Variants in OCA2 observed in about 807,000 individuals in gnomAD.
The protein encoded by OCA2 is P protein.
In OCA2, 77 loss-of-function variants were observed where a neutral mutation model predicts 100.2. The ratio of observed to expected loss-of-function variants is 0.77; its 90% confidence interval spans 0.64 to 0.93. OCA2 has a LOEUF of 0.93. OCA2 is among the 40% of genes least tolerant of loss of function. OCA2 has a pLI of 0.00. For missense variants in OCA2, 1,062 were observed against 1,089.1 expected, an observed-to-expected ratio of 0.98 and a Z score of 0.35; for synonymous variants, 432 against 439.2, an observed-to-expected ratio of 0.98 and a Z score of 0.21.
At chr15:27,874,757 T>C (rs578165624) in intron 19 of OCA2, among the ~76,000 whole-genome samples, 2 of 152,140 alleles carry the variant, frequency 1.3e-5, no homozygotes, top group East Asian at 1.9e-4. Context: ...CTAAAAATAC[T>C]AAAAGAGTGA....
chr15:27,725,470 A>G, the OCA2 span, among the ~76,000 whole-genome samples: 2 of 152,230 alleles, frequency 1.3e-5, no homozygotes, highest in African/African-American at 4.8e-5. Context: ...CAGGAGGCTG[A>G]GGCAGGAGAA....
chr15:27,762,955 T>C lies in OCA2; in HGVS notation c.2433-7483A>G, dbSNP rs185203986. ...AGAAAAGGACCTCCAGTTCCATCCA[T>C]GTTGCCACAAATGACGTGATTTCAT... On this transcript the variant is annotated intron_variant, in intron 23 of 23. Transcript: ENST00000354638. Among the ~76,000 whole-genome samples, 163 of 152,356 alleles carry C rather than the reference T, an allele frequency of 1.1e-3. 1 individual carries two copies. Among genetic ancestry groups the C allele is most frequent in the Middle Eastern group, 3.4e-3 (1 of 294 alleles).
chr15:27,808,051 A>G (rs1300432876), intron 23 of OCA2, among the ~76,000 whole-genome samples: 2 of 152,244 alleles, frequency 1.3e-5, no homozygotes, highest in African/African-American at 4.8e-5. Flanking sequence ...GTGGTGATGA[A>G]TACTATTGAG....
intron 23 of OCA2, among the ~76,000 whole-genome samples, chr15:27,758,270 C>G (rs1436181944): frequency 6.6e-6 from 1 of 152,090 alleles, no homozygotes; most frequent in Non-Finnish European, 1.5e-5. Context: ...CTCTCCCTAG[C>G]CAGAAAGCCA....
chr15:27,912,092 G>T (rs1388816446), intron 19 of OCA2, among the ~76,000 whole-genome samples: 1 of 152,172 alleles, frequency 6.6e-6, no homozygotes, highest in Non-Finnish European at 1.5e-5. Flanking sequence ...CAAATCTTAT[G>T]GTGCTGGATT....
intron 2 of OCA2, among the ~76,000 whole-genome samples, chr15:28,047,751 T>C (rs1595877427): frequency 2.0e-5 from 3 of 152,176 alleles, no homozygotes; most frequent in South Asian, 2.1e-4. Flanking sequence ...ACCATTGTAC[T>C]TGAAGTTCAA....
chr15:27,722,232 G>A, the OCA2 span, among the ~76,000 whole-genome samples: 4 of 152,304 alleles, frequency 2.6e-5, no homozygotes, highest in African/African-American at 9.6e-5. Context: ...CTATTTTTCT[G>A]TGGTAAATAA....
the OCA2 span, among the ~76,000 whole-genome samples, chr15:27,745,441 G>C: frequency 9.9e-5 from 15 of 152,178 alleles, no homozygotes; most frequent in Non-Finnish European, 1.6e-4. Context: ...GTCTGGATCT[G>C]TTTAGTAAAC....
At chr15:27,725,779 T>C in the OCA2 span, among the ~76,000 whole-genome samples, 19 of 152,064 alleles carry the variant, frequency 1.2e-4, no homozygotes, top group African/African-American at 4.6e-4. Flanking sequence ...CAGGAGAGGG[T>C]AGGCACTGTT....
chr15:28,091,672 C>T (rs1159328168), intron 1 of OCA2, among the ~76,000 whole-genome samples: 1 of 152,042 alleles, frequency 6.6e-6, no homozygotes, highest in Non-Finnish European at 1.5e-5. Flanking sequence ...TGGAAAGCAC[C>T]CGGCCCTGCA....
intron 6 of OCA2, among the ~76,000 whole-genome samples, chr15:28,018,874 G>A (rs1201379790): frequency 6.6e-6 from 1 of 152,186 alleles, no homozygotes; most frequent in African/African-American, 2.4e-5. Flanking sequence ...GCCTCGCCAG[G>A]GCCCCTCCCG....
At chr15:27,733,714 ATAAT>A in the OCA2 span, among the ~76,000 whole-genome samples, 1 of 152,212 alleles carries the variant, frequency 6.6e-6, no homozygotes, top group Non-Finnish European at 1.5e-5. Context: ...ACATTTATTA[ATAAT>A]TAATTTTTTA....
At chr15:27,731,640 C>G in the OCA2 span, among the ~76,000 whole-genome samples, 6 of 152,208 alleles carry the variant, frequency 3.9e-5, no homozygotes, top group African/African-American at 1.2e-4. Flanking sequence ...ATTCTTCACT[C>G]TCTTGTACCT....
chr15:28,059,232 C>G (rs2043798691), intron 2 of OCA2, among the ~76,000 whole-genome samples: 1 of 152,236 alleles, frequency 6.6e-6, no homozygotes. Flanking sequence ...CAGGGCAAAG[C>G]TGGTCTGCAT....
At chr15:27,895,810 G>T in intron 19 of OCA2, 1 of 447,492 alleles carries the variant, frequency 2.2e-6, no homozygotes, top group South Asian at 2.3e-5. Context: ...GGAAATGCTT[G>T]GTGATACAGG....
At chr15:27,923,167 G>A (rs916080805) in intron 19 of OCA2, among the ~76,000 whole-genome samples, 3 of 152,122 alleles carry the variant, frequency 2.0e-5, no homozygotes, top group Non-Finnish European at 4.4e-5. Context: ...TGGCTGCATA[G>A]TGTTCCATGG....
the OCA2 span, among the ~76,000 whole-genome samples, chr15:27,743,777 G>A: frequency 6.6e-6 from 1 of 152,126 alleles, no homozygotes; most frequent in African/African-American, 2.4e-5. Flanking sequence ...CCATCAGCTT[G>A]TGCAGTTGGA....
chr15:28,057,076 T>C (rs368605810), intron 2 of OCA2, among the ~76,000 whole-genome samples: 1 of 152,354 alleles, frequency 6.6e-6, no homozygotes, highest in South Asian at 2.1e-4. Context: ...AACACACTTC[T>C]TCCATTGCAA....
At chr15:28,061,170 C>A (rs577350961) in intron 2 of OCA2, among the ~76,000 whole-genome samples, 1 of 152,344 alleles carries the variant, frequency 6.6e-6, no homozygotes, top group East Asian at 1.9e-4. Flanking sequence ...CTCTGGATGA[C>A]CGTGAGGCTC....
Sources: allele counts gnomAD v4.1 joint callset (sites outside exome capture counted in the v4.1 genomes callset), GRCh38; gene constraint gnomAD v4.1.1; transcripts MANE v1.5; gene names NCBI Gene and HGNC (gene_info 2026-07-23, HGNC 2026-07-21).